GPATCH2: variants seen among roughly 807,000 people sequenced by gnomAD.
The protein encoded by GPATCH2 is G patch domain-containing protein 2.
In GPATCH2, 51 loss-of-function variants were observed where a neutral mutation model predicts 58.0. The observed-to-expected ratio is 0.88, with a 90% CI of 0.70 to 1.11. GPATCH2 has a LOEUF of 1.11. Among genes scored for constraint, GPATCH2 ranks in the 50% most tolerant of loss-of-function variants. The probability of loss-of-function intolerance (pLI) is 0.00; values close to 1 mark genes in which losing one functional copy is unlikely to be tolerated. For synonymous variants in GPATCH2, 222 were observed against 218.5 expected (o/e 1.02, Z -0.14); for missense variants, 625 against 652.2 (o/e 0.96, Z 0.45).
intron 5 of GPATCH2, among the ~76,000 whole-genome samples, chr1:217,573,401 C>A (rs1666657490): frequency 6.6e-6 from 1 of 152,048 alleles, no homozygotes; most frequent in Non-Finnish European, 1.5e-5. Context: ...CCATTCCTTG[C>A]AAACAACTAA....
intron 5 of GPATCH2, among the ~76,000 whole-genome samples, chr1:217,590,315 C>T (rs1667533970): frequency 6.6e-6 from 1 of 152,106 alleles, no homozygotes; most frequent in South Asian, 2.1e-4. Context: ...AGCCACTGTG[C>T]CCGGCCCTGT....
intron 5 of GPATCH2, among the ~76,000 whole-genome samples, chr1:217,603,126 T>C (rs1425741779): frequency 6.6e-6 from 1 of 152,106 alleles, no homozygotes; most frequent in Non-Finnish European, 1.5e-5. Flanking sequence ...CATCATTGTG[T>C]CTAATTACCA....
intron 5 of GPATCH2, among the ~76,000 whole-genome samples, chr1:217,554,354 G>C (rs1175515413): frequency 6.6e-6 from 1 of 152,162 alleles, no homozygotes; most frequent in Non-Finnish European, 1.5e-5. Flanking sequence ...AGCTCTGAAA[G>C]TCACAGCAGC....
chr1:217,556,884 C>T (rs1292854695), intron 5 of GPATCH2, among the ~76,000 whole-genome samples: 1 of 152,178 alleles, frequency 6.6e-6, no homozygotes, highest in Non-Finnish European at 1.5e-5. Flanking sequence ...TAATTTTTGC[C>T]AATCTGGTGA....
chr1:217,499,150 TAGG>T (rs1167305674), intron 6 of GPATCH2, among the ~76,000 whole-genome samples: 1 of 152,100 alleles, frequency 6.6e-6, no homozygotes, highest in African/African-American at 2.4e-5. Flanking sequence ...CATCAAGGAC[TAGG>T]AGATTGAGAG....
chr1:217,601,951 T>A (rs1431767604), intron 5 of GPATCH2, among the ~76,000 whole-genome samples: 4 of 152,148 alleles, frequency 2.6e-5, no homozygotes. Flanking sequence ...ATCAAAAATC[T>A]TTGTTAAACG....
At chr1:217,456,434 G>C (rs973259703) in intron 8 of GPATCH2, among the ~76,000 whole-genome samples, 3 of 152,128 alleles carry the variant, frequency 2.0e-5, no homozygotes, top group Non-Finnish European at 4.4e-5. Flanking sequence ...TCCCGTTTTA[G>C]CACCACTGTG....
intron 9 of GPATCH2, among the ~76,000 whole-genome samples, chr1:217,441,157 T>A (rs1571704405): frequency 6.6e-6 from 1 of 152,092 alleles, no homozygotes; most frequent in East Asian, 1.9e-4. Flanking sequence ...CTAACACAGA[T>A]ATATAGACCA....
intron 8 of GPATCH2, among the ~76,000 whole-genome samples, chr1:217,459,143 T>C (rs182426306): frequency 2.0e-5 from 3 of 152,340 alleles, no homozygotes; most frequent in African/African-American, 7.2e-5. Context: ...TGAACTGTTA[T>C]TTAAATTTAT....
chr1:217,459,600 T>G (rs543782224), intron 8 of GPATCH2, among the ~76,000 whole-genome samples: 2 of 152,278 alleles, frequency 1.3e-5, no homozygotes, highest in South Asian at 4.1e-4. Context: ...AAATGATATC[T>G]TGGATCTCAC....
intron 5 of GPATCH2, among the ~76,000 whole-genome samples, chr1:217,585,707 T>C (rs1400865827): frequency 6.6e-6 from 1 of 152,148 alleles, no homozygotes; most frequent in East Asian, 1.9e-4. Flanking sequence ...CAAGATTGCT[T>C]AGAGATTGCA....
intron 5 of GPATCH2, among the ~76,000 whole-genome samples, chr1:217,531,328 G>A (rs1930301): frequency 0.61 from 92,342 of 152,066 alleles, 29,208 homozygotes; most frequent in East Asian, 0.92. Context: ...TTTGCCTACA[G>A]TGAAACATGT....
At chr1:217,535,386 T>C (rs1279032951) in intron 5 of GPATCH2, among the ~76,000 whole-genome samples, 1 of 152,196 alleles carries the variant, frequency 6.6e-6, no homozygotes, top group Non-Finnish European at 1.5e-5. Context: ...ATTATTATTA[T>C]GATTTTTTTT....
rs12123615 is a variant in GPATCH2, at chr1:217,608,638, T to C, written c.1098+1683A>G. 6,893 of 984,812 alleles carry C rather than the reference T, an allele frequency of 7.0e-3. 18 individuals are homozygous for C. The highest frequency in any genetic ancestry group is 0.012 in the Admixed American group (197 of 16,280). The allele number at this position is 984,812 out of a possible 1,614,324, so 61.0% of individuals were successfully genotyped here. A position where few individuals can be genotyped will look rare whatever the true frequency, so the allele number is the denominator to read the frequency against. On this transcript the variant is annotated intron_variant, in intron 5 of 9. Coordinates refer to ENST00000366935, the MANE Select transcript of GPATCH2 (RefSeq NM_018040.5). ...TGAACCAAGAACTAGATAGCATTCA[T>C]CTAGATTCATGATTGATAAGGCAAA...
chr1:217,435,770 A>G (rs1658794829), intron 9 of GPATCH2, among the ~76,000 whole-genome samples: 1 of 152,242 alleles, frequency 6.6e-6, no homozygotes, highest in Non-Finnish European at 1.5e-5. Flanking sequence ...TATTATTATT[A>G]TGAACTCAAA....
At chr1:217,597,394 C>T (rs149310526) in intron 5 of GPATCH2, among the ~76,000 whole-genome samples, 6 of 151,108 alleles carry the variant, frequency 4.0e-5, no homozygotes, top group African/African-American at 1.2e-4. Flanking sequence ...CAAACGGATG[C>T]GAGGCTGACC....
intron 6 of GPATCH2, among the ~76,000 whole-genome samples, chr1:217,499,733 CT>C (rs531197050): frequency 0.066 from 9,280 of 140,860 alleles, 297 homozygotes; most frequent in African/African-American, 0.093. Flanking sequence ...TGGATTGTGC[CT>C]TTTTTTTTTT....
intron 5 of GPATCH2, among the ~76,000 whole-genome samples, chr1:217,581,935 A>G (rs184938144): frequency 6.6e-6 from 1 of 152,092 alleles, no homozygotes; most frequent in Admixed American, 6.5e-5. Flanking sequence ...TGGGTGACAG[A>G]GCAAGACTCC....
chr1:217,618,521 G>A (rs769864714), intron 2 of GPATCH2, among the ~76,000 whole-genome samples: 1 of 151,982 alleles, frequency 6.6e-6, no homozygotes, highest in Non-Finnish European at 1.5e-5. Context: ...ATTTTTTAAT[G>A]TAAGTAATTT....
Sources: allele counts gnomAD v4.1 joint callset (sites outside exome capture counted in the v4.1 genomes callset), GRCh38; gene constraint gnomAD v4.1.1; transcripts MANE v1.5; gene names NCBI Gene and HGNC (gene_info 2026-07-23, HGNC 2026-07-21).